The following ADGRV1 variants were observed in gnomAD, a reference collection of about 807,000 sequenced individuals.
ADGRV1 encodes G-protein coupled receptor 98.
A neutral mutation model predicts 596.2 loss-of-function variants in ADGRV1; 359 were observed. The ratio of observed to expected loss-of-function variants is 0.60; its 90% CI spans 0.55 to 0.66. The LOEUF is 0.66. Ranked by LOEUF, ADGRV1 falls within the 30% of genes least tolerant of loss-of-function variation. The pLI, the probability that ADGRV1 is intolerant of heterozygous loss-of-function variation, is 0.00. For missense variants in ADGRV1, 7,274 were observed against 7,575.6 expected (o/e 0.96, Z 1.48); for synonymous variants, 2,681 against 2,679.2 (o/e 1.00, Z -0.02).
chr5:90,637,775 C>T lies in ADGRV1; in HGVS notation c.2067C>T (p.Tyr689=). The T allele has an allele frequency of 1.2e-6, 2 of 1,613,540 alleles. No individual in the cohort carries two copies. Among genetic ancestry groups the T allele is most frequent in the Non-Finnish European group, 8.5e-7 (1 of 1,179,700 alleles). The part of the protein sequence containing the change: ...RDGTDGQATV[Y]WSLKPSGFNS... ...GAACTGATGGCCAGGCTACTGTCTA[C>T]TGGAGTTTGAAGCCCTCTGGCTTTA... Residue 689 remains tyrosine, a synonymous_variant, in exon 11 of 90, where the codon TAC becomes TAT. Transcript: ENST00000405460.
intron 21 of ADGRV1, among the ~76,000 whole-genome samples, chr5:90,662,369 A>T (rs976062863): frequency 6.6e-6 from 1 of 151,358 alleles, no homozygotes. Flanking sequence ...AATTTTTTGT[A>T]TTTTTAGCAG....
intron 59 of ADGRV1, among the ~76,000 whole-genome samples, chr5:90,766,280 C>T (rs181237470): frequency 2.0e-4 from 31 of 151,966 alleles, no homozygotes; most frequent in African/African-American, 7.3e-4. Context: ...CACATTTTTC[C>T]TCTTCTGATT....
chr5:90,569,379 ATATATATATTTTTTTTTTT>A (rs1756156877), intron 1 of ADGRV1, among the ~76,000 whole-genome samples: 1 of 22,290 alleles, frequency 4.5e-5, no homozygotes, highest in African/African-American at 2.5e-4. Context: ...ATATATATAT[ATATATATATTTTTTTTTTT>A]TTTTTTTTTT....
rs560421557 is a variant in ADGRV1 at position 90,829,415 on chromosome 5, T to C, written c.16611+229T>C. On this transcript the variant is annotated intron_variant, in intron 77 of 89. Coordinates refer to ENST00000405460, the MANE Select transcript of ADGRV1 (RefSeq NM_032119.4). ...TCTTTTTTCTCTCTTTTGACAAGAT[T>C]GATTATACAGTGCAAACTATCTTAC... Among the ~76,000 whole-genome samples the C allele has an allele frequency of 1.1e-4, 17 of 152,334 alleles. No individual in the cohort carries two copies. In the South Asian group the frequency reaches 2.5e-3, roughly 22 times the overall value.
chr5:91,096,233 G>A (rs913355744), intron 86 of ADGRV1, among the ~76,000 whole-genome samples: 3 of 152,218 alleles, frequency 2.0e-5, no homozygotes, highest in African/African-American at 7.2e-5. Context: ...TAAATGGAGT[G>A]TGATTTCCAT....
At chr5:90,781,678 G>GTGTGTGT (rs1267065942) in intron 65 of ADGRV1, 100 bp downstream of exon 65, 1 of 1,074,182 alleles carries the variant, frequency 9.3e-7, no homozygotes, top group African/African-American at 1.6e-5. Flanking sequence ...TGGTGTGGGT[G>GTGTGTGT]TGTGTGTTTG....
chr5:90,621,898 T>C (rs1346313545), intron 4 of ADGRV1, among the ~76,000 whole-genome samples: 1 of 152,174 alleles, frequency 6.6e-6, no homozygotes, highest in African/African-American at 2.4e-5. Flanking sequence ...GATAAGCACT[T>C]GATGTGAACT....
chr5:90,981,147 A>G (rs929077784), intron 84 of ADGRV1, among the ~76,000 whole-genome samples: 11 of 152,308 alleles, frequency 7.2e-5, no homozygotes, highest in African/African-American at 2.4e-4. Flanking sequence ...TGAGACATCA[A>G]TCAACATATG....
intron 85 of ADGRV1, among the ~76,000 whole-genome samples, chr5:90,997,449 T>C (rs1781512822): frequency 6.6e-6 from 1 of 152,158 alleles, no homozygotes. Context: ...GTAAGTTTCC[T>C]GAGGCCTCCC....
At chr5:91,116,836 C>T (rs1329278676) in intron 87 of ADGRV1, among the ~76,000 whole-genome samples, 7 of 152,086 alleles carry the variant, frequency 4.6e-5, no homozygotes. Context: ...AAGGGGGCCA[C>T]TACCCTAGGT....
intron 75 of ADGRV1, among the ~76,000 whole-genome samples, chr5:90,822,857 T>C (rs1338288265): frequency 1.3e-5 from 2 of 152,168 alleles, no homozygotes; most frequent in Admixed American, 6.5e-5. Flanking sequence ...CCCTTGTAAG[T>C]TGGATTCCTA....
chr5:90,996,194 A>G (rs988007242), intron 85 of ADGRV1, among the ~76,000 whole-genome samples: 6 of 152,162 alleles, frequency 3.9e-5, no homozygotes, highest in African/African-American at 1.4e-4. Context: ...CATTTCAGAA[A>G]ACTTCACAGC....
intron 88 of ADGRV1, among the ~76,000 whole-genome samples, chr5:91,151,827 G>C (rs140150299): frequency 0.014 from 2,091 of 152,316 alleles, 43 homozygotes; most frequent in African/African-American, 0.045. Flanking sequence ...ATTTGTATCA[G>C]TGCAGAAAGT....
chr5:91,091,341 T>C (rs1333192252), intron 86 of ADGRV1, among the ~76,000 whole-genome samples: 2 of 152,228 alleles, frequency 1.3e-5, no homozygotes, highest in Admixed American at 1.3e-4. Context: ...CCCTACTCTT[T>C]AAAGAGTGAA....
Position 91,109,521 on chromosome 5 carries a change from C to A in ADGRV1, c.18432+7181C>A, listed in dbSNP as rs1300736370. Among the ~76,000 whole-genome samples, 7 of 152,240 alleles carry A rather than the reference C, an allele frequency of 4.6e-5. No homozygotes were observed. In the East Asian group the frequency reaches 1.4e-3, roughly 29 times the overall value. On this transcript the variant is annotated intron_variant, in intron 87 of 89. Coordinates refer to ENST00000405460, the MANE Select transcript of ADGRV1 (RefSeq NM_032119.4). ...TTTTGTACTTACATGCCTACTGAGC[C>A]CAGATTCCAAAGGCCTTGGGGTTCT...
chr5:90,766,538 A>G (rs1294109177), intron 59 of ADGRV1, among the ~76,000 whole-genome samples: 1 of 152,184 alleles, frequency 6.6e-6, no homozygotes, highest in African/African-American at 2.4e-5. Flanking sequence ...AAAAAAAATT[A>G]AGGAAGTATT....
chr5:90,902,585 G>C (rs1394191266), intron 83 of ADGRV1, among the ~76,000 whole-genome samples: 1 of 152,084 alleles, frequency 6.6e-6, no homozygotes, highest in Non-Finnish European at 1.5e-5. Flanking sequence ...GCCCATCTTT[G>C]ATTGTTAGCA....
Position 90,692,680 on chromosome 5 carries a change from C to A in ADGRV1, c.7027C>A (p.Pro2343Thr). ...AGATCGAATTGCAAATATTATTATT[C>A]CTGCCAATGATGATCCTTATGGTAC... Reference protein sequence around the residue: ...GLDRIANIIIPANDDPYGTVA... With the variant: ...GLDRIANIIITANDDPYGTVA... Residue 2343 changes from proline to threonine, a missense_variant, in exon 32 of 90, where the codon CCT (proline) becomes ACT (threonine). This residue lies in a region of ADGRV1 where 3,643 missense variants were observed against 3,809.2 expected (regional missense o/e 0.96). Coordinates refer to ENST00000405460, the MANE Select transcript of ADGRV1 (RefSeq NM_032119.4). 6.2e-7 allele frequency: 1 copy of A among 1,611,010 alleles called. No individual in the cohort carries two copies. Among genetic ancestry groups the A allele is most frequent in the East Asian group, 2.2e-5 (1 of 44,792 alleles).
Position 90,711,268 on chromosome 5 carries a change from G to C in ADGRV1, c.8988G>C (p.Val2996=). Reference sequence around the variant, plus strand: ...CTCTTGGCCATGTTTCCTTATTTGTGTATGCTCAGAATTTGGAAGCACAAG... The same window carrying C: ...CTCTTGGCCATGTTTCCTTATTTGTCTATGCTCAGAATTTGGAAGCACAAG... The part of the protein sequence containing the change: ...REPLGHVSLF[V]YAQNLEAQVG... The change falls in exon 41 of 90, where the codon GTG becomes GTC. Residue 2996 remains valine (V), a synonymous_variant. Transcript: ENST00000405460. 1.2e-6 allele frequency: 2 copies of C among 1,613,060 alleles called. No individual in the cohort carries two copies. The highest frequency in any genetic ancestry group is 2.2e-5 in the South Asian group (2 of 90,912).
Sources: allele counts gnomAD v4.1 joint callset (sites outside exome capture counted in the v4.1 genomes callset), GRCh38; gene constraint gnomAD v4.1.1; regional missense constraint gnomAD v4.1.1; transcripts MANE v1.5; gene names NCBI Gene and HGNC (gene_info 2026-07-23, HGNC 2026-07-21).